Variants in UTRN observed in about 807,000 individuals in gnomAD.
The protein encoded by UTRN is utrophin, also known as dystrophin-related protein 1.
Under a neutral mutation model 463.9 loss-of-function variants are expected in UTRN, and 283 were observed. The observed-to-expected ratio is 0.61, with a 90% CI of 0.55 to 0.67. The LOEUF (loss-of-function observed/expected upper bound fraction) is 0.67. Among genes scored for constraint, UTRN ranks in the 30% least tolerant of loss-of-function variants. The pLI, the probability that UTRN is intolerant of heterozygous loss-of-function variation, is 0.00. For synonymous variants in UTRN, 1,442 were observed against 1,431.5 expected (o/e 1.01, Z -0.17); for missense variants, 3,922 against 4,084.3 (o/e 0.96, Z 1.08).
intron 34 of UTRN, among the ~76,000 whole-genome samples, chr6:144,508,868 T>A (rs1418586709): frequency 1.3e-5 from 2 of 152,214 alleles, no homozygotes; most frequent in African/African-American, 4.8e-5. Context: ...TTTGACATGC[T>A]AAGTTCATAT....
intron 51 of UTRN, among the ~76,000 whole-genome samples, chr6:144,617,394 T>C (rs919886640): frequency 1.3e-5 from 2 of 152,222 alleles, no homozygotes; most frequent in Non-Finnish European, 2.9e-5. Context: ...ATTTCCTCTA[T>C]TTAAAGTAGT....
chr6:144,836,429 C>A lies in UTRN; in HGVS notation c.9953C>A (p.Ala3318Glu). ...TSEDSELIAE[A>E]KLLRQHKGRL... ...GAGGATTCAGAACTTATAGCAGAAG[C>A]AAAACTCCTCAGGCAGCACAAAGGT... Residue 3318 changes from alanine (A) to glutamate (E), a missense_variant, in exon 71 of 75, where the codon GCA becomes GAA. Around this residue, in one of 3 missense-constraint regions of UTRN, gnomAD observed 1,309 missense variants for 1,452.6 expected, o/e 0.90. Coordinates refer to ENST00000367545, the MANE Select transcript of UTRN (RefSeq NM_007124.3). 1 of 1,614,042 alleles carries A rather than the reference C, an allele frequency of 6.2e-7. No homozygotes were observed.
chr6:144,511,762 G>A (rs917530882), intron 35 of UTRN, among the ~76,000 whole-genome samples: 1 of 152,120 alleles, frequency 6.6e-6, no homozygotes, highest in African/African-American at 2.4e-5. Context: ...CCACTGCTCT[G>A]TAAATTTGCA....
At chr6:144,420,265 A>G (rs1383444451) in intron 3 of UTRN, among the ~76,000 whole-genome samples, 1 of 152,240 alleles carries the variant, frequency 6.6e-6, no homozygotes, top group African/African-American at 2.4e-5. Context: ...TCGATACAAG[A>G]TAATACAACA....
intron 3 of UTRN, among the ~76,000 whole-genome samples, chr6:144,411,896 G>A (rs1562360264): frequency 1.3e-5 from 2 of 151,882 alleles, no homozygotes; most frequent in African/African-American, 4.8e-5. Context: ...TAAAGAGGAC[G>A]GCTGAGAGAT....
intron 54 of UTRN, among the ~76,000 whole-genome samples, chr6:144,744,632 C>T (rs571683772): frequency 7.0e-5 from 10 of 142,262 alleles, no homozygotes; most frequent in East Asian, 2.0e-4. Flanking sequence ...CACACACATA[C>T]ACACACACAC....
chr6:144,588,647 T>C (rs1053096588), intron 51 of UTRN, among the ~76,000 whole-genome samples: 1 of 152,162 alleles, frequency 6.6e-6, no homozygotes, highest in Non-Finnish European at 1.5e-5. Context: ...GGGTTGATGA[T>C]TTGTGTTTTC....
chr6:144,454,149 A>G (rs1788593341), intron 19 of UTRN, among the ~76,000 whole-genome samples: 2 of 152,266 alleles, frequency 1.3e-5, no homozygotes, highest in South Asian at 2.1e-4. Flanking sequence ...AGCATAGTAT[A>G]TTTTAAAACT....
At chr6:144,345,257 G>A (rs537807273) in intron 2 of UTRN, among the ~76,000 whole-genome samples, 1 of 152,288 alleles carries the variant, frequency 6.6e-6, no homozygotes, top group South Asian at 2.1e-4. Context: ...AGTGAATTGG[G>A]TTTCTTGAAC....
chr6:144,807,101 T>G (rs1238957919), intron 65 of UTRN, among the ~76,000 whole-genome samples: 1 of 152,120 alleles, frequency 6.6e-6, no homozygotes, highest in Non-Finnish European at 1.5e-5. Context: ...TGGACCTTGA[T>G]GTTTGCATTC....
At chr6:144,424,626 A>G (rs1785136101) in intron 6 of UTRN, among the ~76,000 whole-genome samples, 1 of 152,208 alleles carries the variant, frequency 6.6e-6, no homozygotes, top group Non-Finnish European at 1.5e-5. Context: ...TTCCTGGCAT[A>G]GGGAAAAAAG....
intron 34 of UTRN, among the ~76,000 whole-genome samples, chr6:144,500,716 G>T (rs370734908): frequency 6.6e-6 from 1 of 152,206 alleles, no homozygotes; most frequent in Admixed American, 6.5e-5. Context: ...CTTAGGAATA[G>T]AATTTTAAAA....
intron 9 of UTRN, among the ~76,000 whole-genome samples, chr6:144,429,963 T>C (rs888657207): frequency 1.3e-5 from 2 of 152,178 alleles, no homozygotes; most frequent in African/African-American, 4.8e-5. Context: ...AATACTTTAT[T>C]TCACCCAGCA....
intron 41 of UTRN, among the ~76,000 whole-genome samples, chr6:144,527,572 T>C (rs1796674663): frequency 6.6e-6 from 1 of 152,268 alleles, no homozygotes. Flanking sequence ...TTTCCTCAAT[T>C]ATTCCTGCAA....
At chr6:144,366,350 G>C (rs1009403359) in intron 2 of UTRN, among the ~76,000 whole-genome samples, 1 of 152,094 alleles carries the variant, frequency 6.6e-6, no homozygotes, top group African/African-American at 2.4e-5. Flanking sequence ...CATCACCCAG[G>C]TACTAGGCCT....
At chr6:144,561,404 A>G (rs1374484886) in intron 50 of UTRN, among the ~76,000 whole-genome samples, 1 of 151,578 alleles carries the variant, frequency 6.6e-6, no homozygotes, top group Non-Finnish European at 1.5e-5. Flanking sequence ...ATATACAGGT[A>G]TGTATATATA....
chr6:144,523,502 G>C (rs548782970), intron 41 of UTRN, among the ~76,000 whole-genome samples: 1 of 152,108 alleles, frequency 6.6e-6, no homozygotes, highest in Non-Finnish European at 1.5e-5. Flanking sequence ...TAGAGATGGG[G>C]TTTCACCATG....
chr6:144,849,972 A>G (rs1386183228), intron 74 of UTRN, among the ~76,000 whole-genome samples: 1 of 152,158 alleles, frequency 6.6e-6, no homozygotes, highest in Non-Finnish European at 1.5e-5. Flanking sequence ...CACTTACCTC[A>G]TATTACAATT....
chr6:144,714,567 T>G (rs1786171333), intron 53 of UTRN, among the ~76,000 whole-genome samples: 1 of 152,206 alleles, frequency 6.6e-6, no homozygotes, highest in Non-Finnish European at 1.5e-5. Flanking sequence ...CATCTTGAGA[T>G]TCTTAGTAAT....
Sources: gnomAD v4.1 joint callset for allele counts (sites outside exome capture counted in the v4.1 genomes callset) on GRCh38, gnomAD v4.1.1 for gene constraint, gnomAD v4.1.1 regional missense constraint, MANE v1.5 for transcripts, NCBI Gene and HGNC (gene_info 2026-07-23, HGNC 2026-07-21) for gene names.